Variants in PSD3 observed in about 807,000 individuals in gnomAD.
The protein encoded by PSD3 is PH and SEC7 domain-containing protein 3.
PSD3 carries 49 observed loss-of-function variants against 105.5 expected under a neutral mutation model. The observed-to-expected ratio is 0.46, with a 90% CI of 0.37 to 0.59. The LOEUF is 0.59. Among genes scored for constraint, PSD3 ranks in the 20% least tolerant of loss-of-function variants. PSD3 has a pLI of 0.00. For missense variants in PSD3, 1,561 were observed against 1,263.8 expected (o/e 1.24, Z -3.57); for synonymous variants, 557 against 457.8 (o/e 1.22, Z -2.77).
chr8:18,792,696 G>T (rs1809834043), intron 8 of PSD3, among the ~76,000 whole-genome samples: 1 of 152,132 alleles, frequency 6.6e-6, no homozygotes, highest in Admixed American at 6.5e-5. Flanking sequence ...GAGAGGATGT[G>T]GAGAAATAGG....
At chr8:18,768,116 CAAAAAAA>C (rs774203727) in intron 8 of PSD3, among the ~76,000 whole-genome samples, 3 of 97,372 alleles carry the variant, frequency 3.1e-5, no homozygotes, top group African/African-American at 8.4e-5. Flanking sequence ...ACTGAAAATA[CAAAAAAA>C]AAAAAAAAAA....
At chr8:18,855,257 C>G (rs538793888) in intron 4 of PSD3, among the ~76,000 whole-genome samples, 26 of 152,272 alleles carry the variant, frequency 1.7e-4, no homozygotes, top group African/African-American at 6.0e-4. Flanking sequence ...CAAGAATGTT[C>G]TGGTTTACCA....
upstream of PSD3, among the ~76,000 whole-genome samples, chr8:19,017,415 C>T (rs934452832): frequency 2.0e-5 from 3 of 152,136 alleles, no homozygotes; most frequent in Non-Finnish European, 4.4e-5. Flanking sequence ...AGATCCAATT[C>T]ACATACCACA....
chr8:18,953,220 G>A (rs1823353829), intron 1 of PSD3, among the ~76,000 whole-genome samples: 1 of 152,110 alleles, frequency 6.6e-6, no homozygotes, highest in South Asian at 2.1e-4. Flanking sequence ...ATTTTGAAAG[G>A]CTATGAGGAA....
At chr8:19,050,111 G>C (rs998530965) in intron 1 of PSD3, among the ~76,000 whole-genome samples, 5 of 152,188 alleles carry the variant, frequency 3.3e-5, no homozygotes, top group African/African-American at 9.7e-5. Flanking sequence ...TATAATGTAG[G>C]TCAAGGAGGC....
intron 11 of PSD3, among the ~76,000 whole-genome samples, chr8:18,608,890 T>C (rs990963260): frequency 1.3e-5 from 2 of 152,202 alleles, no homozygotes; most frequent in African/African-American, 4.8e-5. Flanking sequence ...ATTTTACTGT[T>C]CCAATTTTCT....
chr8:19,009,241 T>C (rs1826843552), intron 1 of PSD3, among the ~76,000 whole-genome samples: 1 of 152,082 alleles, frequency 6.6e-6, no homozygotes, highest in Admixed American at 6.6e-5. Flanking sequence ...TGGTCGGTGA[T>C]GAATTAGTCA....
Position 19,033,273 on chromosome 8 carries a change from T to A in PSD3, c.324+50933A>T, listed in dbSNP as rs534399604. Among the ~76,000 whole-genome samples, 13 of 152,346 alleles carry A rather than the reference T, an allele frequency of 8.5e-5. No homozygotes were observed. In the East Asian group the frequency reaches 2.5e-3, roughly 29 times the overall value. ...TATGTGAGATTTTCTACTTTAATTT[T>A]TTTCACATGGAAAGTGCACATACCG... On this transcript the variant is annotated intron_variant, in intron 1 of 1. Coordinates refer to the PSD3 transcript ENST00000521475.
chr8:18,864,621 G>A (rs1200977627), intron 4 of PSD3: 4 of 152,250 alleles, frequency 2.6e-5, no homozygotes, highest in Middle Eastern at 6.8e-3. Flanking sequence ...CTCACTTTAT[G>A]CAATGTACTC....
chr8:18,549,114 G>C (rs1034859166), intron 15 of PSD3, among the ~76,000 whole-genome samples: 1 of 151,754 alleles, frequency 6.6e-6, no homozygotes, highest in African/African-American at 2.4e-5. Flanking sequence ...TCTGCCTTGA[G>C]GTAGGGGTGA....
intron 9 of PSD3, among the ~76,000 whole-genome samples, chr8:18,663,404 C>T (rs1454429645): frequency 7.4e-5 from 11 of 149,090 alleles, no homozygotes; most frequent in South Asian, 2.1e-4. Context: ...CCAGCCTGGG[C>T]GACAGAATGA....
At chr8:18,687,003 T>G (rs964220908) in intron 9 of PSD3, among the ~76,000 whole-genome samples, 1 of 152,200 alleles carries the variant, frequency 6.6e-6, no homozygotes, top group African/African-American at 2.4e-5. Context: ...CCCCTACTTC[T>G]GTGACTTCAG....
chr8:18,942,976 G>C (rs1822645754), intron 1 of PSD3, among the ~76,000 whole-genome samples: 1 of 152,188 alleles, frequency 6.6e-6, no homozygotes, highest in Non-Finnish European at 1.5e-5. Context: ...GCCCACACAG[G>C]AGGAATGTGG....
chr8:19,058,895 T>A (rs1054119489), intron 1 of PSD3, among the ~76,000 whole-genome samples: 1 of 152,146 alleles, frequency 6.6e-6, no homozygotes, highest in Non-Finnish European at 1.5e-5. Flanking sequence ...TTCAGCTGGT[T>A]TCTGTGACCC....
chr8:18,684,204 C>CCACACACA lies in PSD3; in HGVS notation c.2173-28527_2173-28520dup, dbSNP rs67855105. 57 of 195,656 alleles carry CCACACACA rather than the reference C, an allele frequency of 2.9e-4. 1 individual carries two copies. Among genetic ancestry groups the CCACACACA allele is most frequent in the African/African-American group, 9.1e-4 (36 of 39,542 alleles). 12.1% of individuals were successfully genotyped at this position (195,656 alleles called of 1,614,324 possible). On this transcript the variant is annotated intron_variant, in intron 9 of 15. Transcript: ENST00000327040. ...CACCCCTGCTACTCGTCTCTCTTTT[C>CCACACACA]CACACACACACACACACACACACAC... is the stretch of plus-strand genomic sequence containing the variant.
intron 4 of PSD3, among the ~76,000 whole-genome samples, chr8:18,856,011 G>A (rs753334204): frequency 2.0e-5 from 3 of 152,096 alleles, no homozygotes; most frequent in East Asian, 3.9e-4. Flanking sequence ...AACAGAACAG[G>A]GGGCAAAGAG....
chr8:19,038,336 TG>T (rs1175842024), intron 1 of PSD3, among the ~76,000 whole-genome samples: 5 of 152,246 alleles, frequency 3.3e-5, no homozygotes, highest in Admixed American at 1.3e-4. Context: ...TGCCTGAATT[TG>T]GGGTCCCTTT....
chr8:18,537,464 C>T (rs988183985), intron 15 of PSD3, among the ~76,000 whole-genome samples: 6 of 152,172 alleles, frequency 3.9e-5, no homozygotes, highest in Non-Finnish European at 5.9e-5. Flanking sequence ...AAAGGCCATT[C>T]TCAACTCCTT....
At chr8:18,828,068 T>TATATATATATATATATATA (rs1554515387) in intron 4 of PSD3, among the ~76,000 whole-genome samples, 4 of 83,302 alleles carry the variant, frequency 4.8e-5, no homozygotes, top group African/African-American at 1.7e-4. Context: ...TATATATATA[T>TATATATATATATATATATA]TTTTTTTTTT....
Sources: allele counts gnomAD v4.1 joint callset (sites outside exome capture counted in the v4.1 genomes callset), GRCh38; gene constraint gnomAD v4.1.1; transcripts MANE v1.5; gene names NCBI Gene and HGNC (gene_info 2026-07-23, HGNC 2026-07-21).